RBM41: variants seen among roughly 807,000 people sequenced by gnomAD.
The protein encoded by RBM41 is RNA-binding protein 41.
RBM41 carries 14 observed loss-of-function variants against 30.8 expected under a neutral mutation model. That is an observed-to-expected ratio of 0.45 (90% CI 0.30 to 0.71). The LOEUF (loss-of-function observed/expected upper bound fraction) is 0.71. Ranked by LOEUF, RBM41 falls within the 30% of genes least tolerant of loss-of-function variation. The pLI is 0.08. For missense variants in RBM41, 276 were observed against 326.3 expected (o/e 0.85, Z 1.19); for synonymous variants, 120 against 110.1 (o/e 1.09, Z -0.56).
intron 5 of RBM41, among the ~76,000 whole-genome samples, chrX:107,095,149 CAAA>C (rs59436196): frequency 7.8e-5 from 4 of 51,088 alleles, no homozygotes; most frequent in Admixed American, 2.2e-4. Flanking sequence ...TATAAGGAGG[CAAA>C]AAAAAAAAAA....
chrX:107,106,466 C>T (rs1923998892), intron 5 of RBM41, among the ~76,000 whole-genome samples: 2 of 111,445 alleles, frequency 1.8e-5, no homozygotes, highest in Admixed American at 9.5e-5. Flanking sequence ...TGTGGCGATT[C>T]CTCAGGGATC....
chrX:107,087,831 T>G (rs1218730523), intron 6 of RBM41, among the ~76,000 whole-genome samples: 3 of 112,243 alleles, frequency 2.7e-5, no homozygotes, highest in East Asian at 2.8e-4. Context: ...CTCGAACTCC[T>G]GACCTCGTGA....
the RBM41 span, among the ~76,000 whole-genome samples, chrX:107,052,628 G>C: frequency 9.0e-6 from 1 of 111,572 alleles, no homozygotes; most frequent in East Asian, 2.8e-4. Flanking sequence ...AGGGGTCCGT[G>C]GTAGATTTTA....
At chrX:107,097,073 T>C (rs1923044631) in intron 5 of RBM41, among the ~76,000 whole-genome samples, 2 of 112,024 alleles carry the variant, frequency 1.8e-5, no homozygotes, top group African/African-American at 6.5e-5. Context: ...TAATAACAAG[T>C]ATTGGCAAGG....
At chrX:107,075,812 TAC>T (rs753321865) in intron 6 of RBM41, among the ~76,000 whole-genome samples, 28 of 111,984 alleles carry the variant, frequency 2.5e-4, no homozygotes, top group Non-Finnish European at 4.3e-4. Flanking sequence ...TGCTATGAAG[TAC>T]AGTGTGGAAG....
chrX:107,111,871 G>C (rs1158379982), intron 5 of RBM41, among the ~76,000 whole-genome samples: 3 of 111,287 alleles, frequency 2.7e-5, no homozygotes, highest in African/African-American at 6.5e-5. Flanking sequence ...GAGGCTGGTG[G>C]GGATGGAGAA....
At chrX:107,092,692 G>T (rs1414213838) in intron 5 of RBM41, among the ~76,000 whole-genome samples, 1 of 112,101 alleles carries the variant, frequency 8.9e-6, no homozygotes, top group Admixed American at 9.4e-5. Flanking sequence ...CAACATATTG[G>T]CAAAAATTAA....
At chrX:107,106,176 AAAAC>A (rs1923963694) in intron 5 of RBM41, among the ~76,000 whole-genome samples, 1 of 112,183 alleles carries the variant, frequency 8.9e-6, no homozygotes. Context: ...TTACAAGAAA[AAAAC>A]AAACAACCGC....
At chrX:107,078,083 G>A (rs1921148169) in intron 6 of RBM41, among the ~76,000 whole-genome samples, 1 of 111,223 alleles carries the variant, frequency 9.0e-6, no homozygotes, top group Non-Finnish European at 1.9e-5. Flanking sequence ...CTGGGATTAT[G>A]GATTATTGGG....
Position 107,118,803 on chromosome X carries a change from G to A in RBM41, c.-30C>T, listed in dbSNP as rs1777519. The stretch of plus-strand genomic sequence containing the variant: ...CCACAGGCCCCTACCTCCAACTTGG[G>A]TAAATAGGCCGCGGACCTCAAGTCC... On this transcript the variant is annotated 5_prime_UTR_variant, in exon 1 of 8. Transcript: ENST00000685964. The A allele has an allele frequency of 0.01, 12,377 of 1,207,666 alleles. 795 individuals carry two copies. The African/African-American group carries it at 0.19, about 19-fold the overall frequency.
chrX:107,058,838 T>A (rs981443030), downstream of RBM41, among the ~76,000 whole-genome samples: 1 of 111,498 alleles, frequency 9.0e-6, no homozygotes. Flanking sequence ...CTCTTCCAGG[T>A]TGCAGACTAC....
intron 6 of RBM41, 40 bp from the exon 7 acceptor site, chrX:107,069,442 G>C: frequency 8.7e-7 from 1 of 1,149,912 alleles, no homozygotes; most frequent in Admixed American, 2.6e-5. Flanking sequence ...TCATATAAAG[G>C]AGGTAAGGCA....
At chrX:107,095,021 G>C (rs1922842799) in intron 5 of RBM41, among the ~76,000 whole-genome samples, 1 of 109,861 alleles carries the variant, frequency 9.1e-6, no homozygotes, top group Non-Finnish European at 1.9e-5. Context: ...AGAAAACCCA[G>C]AGCTAAGATC....
At position 107,082,734 on chromosome X, in the gene RBM41, C is replaced by T. The variant is rs189739279; in HGVS notation, c.999+5702G>A. 2.7e-5 allele frequency among the ~76,000 whole-genome samples: 3 copies of T among 110,974 alleles called. No individual in the cohort carries two copies. The East Asian group carries it at 8.5e-4, about 31-fold the overall frequency. Reference sequence around the variant, plus strand: ...TAGAGTTTGCAATATACATTTACAACTGATCTAAGTCCACTCTCAGATAAA... The same window carrying T: ...TAGAGTTTGCAATATACATTTACAATTGATCTAAGTCCACTCTCAGATAAA... On this transcript the variant is annotated intron_variant, in intron 6 of 7. Transcript: ENST00000685964.
chrX:107,060,820 G>A (rs1430150816), downstream of RBM41, among the ~76,000 whole-genome samples: 1 of 111,260 alleles, frequency 9.0e-6, no homozygotes, highest in African/African-American at 3.3e-5. Context: ...TAATTGTAAA[G>A]AGGAAAACTG....
chrX:107,080,042 C>T (rs1921361184), intron 6 of RBM41, among the ~76,000 whole-genome samples: 1 of 111,832 alleles, frequency 8.9e-6, no homozygotes, highest in Admixed American at 9.5e-5. Flanking sequence ...GACATCTTGA[C>T]TGCTTCCGGT....
chrX:107,109,587 TA>T (rs1783778511), intron 5 of RBM41, among the ~76,000 whole-genome samples: 1 of 111,755 alleles, frequency 8.9e-6, no homozygotes, highest in Non-Finnish European at 1.9e-5. Flanking sequence ...CTATGTCATT[TA>T]TTTTTGCTCC....
intron 1 of RBM41, among the ~76,000 whole-genome samples, chrX:107,118,111 G>A (rs1381744716): frequency 1.8e-5 from 2 of 110,654 alleles, no homozygotes; most frequent in Non-Finnish European, 1.9e-5. Flanking sequence ...ATTTAAGCCC[G>A]TCAATAGTTA....
chrX:107,112,815 A>G, intron 5 of RBM41: 1 of 324,984 alleles, frequency 3.1e-6, no homozygotes, highest in Non-Finnish European at 6.0e-6. Flanking sequence ...TTTACATGAC[A>G]TTTTCTAAAA....
Sources: allele counts gnomAD v4.1 joint callset (sites outside exome capture counted in the v4.1 genomes callset), GRCh38; gene constraint gnomAD v4.1.1; transcripts MANE v1.5; gene names NCBI Gene and HGNC (gene_info 2026-07-23, HGNC 2026-07-21).